KIRREL3: variants seen among roughly 807,000 people sequenced by gnomAD.
KIRREL3 encodes kirre like nephrin family adhesion molecule 3.
A neutral mutation model predicts 89.7 loss-of-function variants in KIRREL3; 36 were observed. The ratio of observed to expected loss-of-function variants is 0.40; its 90% confidence interval spans 0.31 to 0.53. KIRREL3 has a LOEUF of 0.53. Among genes scored for constraint, KIRREL3 ranks in the 20% least tolerant of loss-of-function variants. The pLI, the probability that KIRREL3 is intolerant of heterozygous loss-of-function variation, is 0.49. For missense variants in KIRREL3, 864 were observed against 1,056.6 expected, an observed-to-expected ratio of 0.82 and a Z score of 2.53; for synonymous variants, 445 against 441.4, an observed-to-expected ratio of 1.01 and a Z score of -0.10.
Position 126,901,134 on chromosome 11 carries a change from A to C in KIRREL3, c.55+99321T>G, listed in dbSNP as rs571717450. 4.0e-5 allele frequency among the ~76,000 whole-genome samples: 6 copies of C among 151,588 alleles called. No homozygotes were observed. The South Asian group carries it at 6.3e-4, about 16-fold the overall frequency. On this transcript the variant is annotated intron_variant, in intron 1 of 16. Transcript: ENST00000525144. The stretch of plus-strand genomic sequence containing the variant: ...GAGGGTGAGACAGGAGAATCGCTTG[A>C]ACCTGGGAGGCAGAGGTTGCAGTGA...
Position 126,708,249 on chromosome 11 carries a change from C to T in KIRREL3, c.56-145337G>A, listed in dbSNP as rs376943658. Among the ~76,000 whole-genome samples, 2 of 152,102 alleles carry T rather than the reference C, an allele frequency of 1.3e-5. No homozygotes were observed. Among genetic ancestry groups the T allele is most frequent in the South Asian group, 2.1e-4 (1 of 4,824 alleles). ...TTACAATGTTATATTGCTACCAAAG[C>T]GGGCAAAATGAGGATGTGAAGTCGA... On this transcript the variant is annotated intron_variant, in intron 1 of 16. Transcript: ENST00000525144. The surrounding 1 kb of genome is among the most constrained non-coding windows in gnomAD (Gnocchi z 5.7).
intron 1 of KIRREL3, among the ~76,000 whole-genome samples, chr11:126,916,111 C>G (rs1947027868): frequency 6.6e-6 from 1 of 152,154 alleles, no homozygotes; most frequent in African/African-American, 2.4e-5. Flanking sequence ...TAATAGCGTT[C>G]TAATGATACC....
At chr11:126,743,325 T>C (rs1259582169) in intron 1 of KIRREL3, among the ~76,000 whole-genome samples, 1 of 152,220 alleles carries the variant, frequency 6.6e-6, no homozygotes, top group Non-Finnish European at 1.5e-5. Context: ...AGGTGCTGGC[T>C]GGCTATAATA....
At chr11:126,932,981 C>A (rs891001181) in intron 1 of KIRREL3, among the ~76,000 whole-genome samples, 1 of 152,182 alleles carries the variant, frequency 6.6e-6, no homozygotes, top group Non-Finnish European at 1.5e-5. Context: ...TAGTTAGAAT[C>A]TGCAATTACT....
At position 126,898,164 on chromosome 11, in the gene KIRREL3, A is replaced by T. The variant is rs1463465445; in HGVS notation, c.55+102291T>A. On this transcript the variant is annotated intron_variant, in intron 1 of 16. Transcript: ENST00000525144. The surrounding 1 kb of genome is among the most constrained non-coding windows in gnomAD (Gnocchi z 4.9). ...TGCCACAGTCGCCTATCTCGTGGAC[A>T]GGTGGAAGTAAAGAGTTAGGATCAA... Among the ~76,000 whole-genome samples, 2 of 152,182 alleles carry T rather than the reference A, an allele frequency of 1.3e-5. No individual in the cohort carries two copies. The highest frequency in any genetic ancestry group is 2.9e-5 in the Non-Finnish European group (2 of 68,040).
At position 126,454,301 on chromosome 11, in the gene KIRREL3, G is replaced by A. The variant is rs989085834; in HGVS notation, c.848+2048C>T. ...GGTGGGGGAGGCAGGCCTGGGGGTG[G>A]AGGGGTCAGGTCCCAGGGCGTGCAG... On this transcript the variant is annotated intron_variant, in intron 7 of 16. Coordinates refer to ENST00000525144, the MANE Select transcript of KIRREL3 (RefSeq NM_032531.4). The surrounding 1 kb of genome is among the most constrained non-coding windows in gnomAD (Gnocchi z 5.8). 7.2e-5 allele frequency among the ~76,000 whole-genome samples: 11 copies of A among 152,080 alleles called. No homozygotes were observed. Among genetic ancestry groups the A allele is most frequent in the Non-Finnish European group, 1.6e-4 (11 of 67,980 alleles).
rs1243203371 is a variant in KIRREL3, at chr11:126,724,674, T to G, written c.56-161762A>C. ...GCTGCCTTCCTTCTTGAAACTTCCC[T>G]CTCCCCGTTTGAATTCCAATGAGGC... is the stretch of plus-strand genomic sequence containing the variant. On this transcript the variant is annotated intron_variant, in intron 1 of 16. Transcript: ENST00000525144. The surrounding 1 kb of genome is among the most constrained non-coding windows in gnomAD (Gnocchi z 4.3). Among the ~76,000 whole-genome samples the G allele has an allele frequency of 3.3e-5, 5 of 152,166 alleles. No homozygotes were observed. Among genetic ancestry groups the G allele is most frequent in the Non-Finnish European group, 1.5e-5 (1 of 68,014 alleles).
At chr11:126,963,028 T>C (rs554526495) in intron 1 of KIRREL3, among the ~76,000 whole-genome samples, 1 of 152,286 alleles carries the variant, frequency 6.6e-6, no homozygotes, top group South Asian at 2.1e-4. Context: ...TTATACGCAC[T>C]GGGAAACAAA....
Position 126,776,441 on chromosome 11 carries a change from G to A in KIRREL3, c.56-213529C>T, listed in dbSNP as rs969044084. Among the ~76,000 whole-genome samples the A allele has an allele frequency of 6.6e-6, 1 of 152,172 alleles. No individual in the cohort carries two copies. The highest frequency in any genetic ancestry group is 2.4e-5 in the African/African-American group (1 of 41,448). ...CTGATGCCTCCTTCTCAGGGTGGCT[G>A]TGAGAATCAAATGAAATGATTTGCA... On this transcript the variant is annotated intron_variant, in intron 1 of 16. Coordinates refer to ENST00000525144, the MANE Select transcript of KIRREL3 (RefSeq NM_032531.4). The surrounding 1 kb of genome is among the most constrained non-coding windows in gnomAD (Gnocchi z 4.7).
At chr11:126,861,354 C>T (rs756620050) in intron 1 of KIRREL3, among the ~76,000 whole-genome samples, 4 of 152,024 alleles carry the variant, frequency 2.6e-5, no homozygotes. Context: ...TCAAGACCAC[C>T]CAGTGGGAAC....
At chr11:126,539,849 T>C (rs1475162545) in intron 2 of KIRREL3, among the ~76,000 whole-genome samples, 1 of 152,202 alleles carries the variant, frequency 6.6e-6, no homozygotes. Flanking sequence ...TATTTTCAGG[T>C]GTCCTCTCAC....
chr11:126,704,456 C>T lies in KIRREL3; in HGVS notation c.56-141544G>A, dbSNP rs1454705660. On this transcript the variant is annotated intron_variant, in intron 1 of 16. Coordinates refer to ENST00000525144, the MANE Select transcript of KIRREL3 (RefSeq NM_032531.4). The surrounding 1 kb of genome is among the most constrained non-coding windows in gnomAD (Gnocchi z 4.2). ...AGCCCCAGCTGGCTGTAGGGGCTCA[C>T]AGTCTTGTCACTTAGAAGGTCTGTC... is the stretch of plus-strand genomic sequence containing the variant. Among the ~76,000 whole-genome samples the T allele has an allele frequency of 6.6e-6, 1 of 152,210 alleles. No homozygotes were observed. The highest frequency in any genetic ancestry group is 1.5e-5 in the Non-Finnish European group (1 of 68,042).
In KIRREL3 at chr11:126,555,897, C is replaced by T. The variant is rs758197543; in HGVS notation, c.133+6938G>A. On this transcript the variant is annotated intron_variant, in intron 2 of 16. Transcript: ENST00000525144. The surrounding 1 kb of genome is among the most constrained non-coding windows in gnomAD (Gnocchi z 4.2). ...TTGGGATTACAGGTGTGTGCCACCA[C>T]GCCTGGCTAATTTTTTGTGTTTTTG... Among the ~76,000 whole-genome samples, 8 of 152,086 alleles carry T rather than the reference C, an allele frequency of 5.3e-5. No homozygotes were observed. The highest frequency in any genetic ancestry group is 1.3e-4 in the Admixed American group (2 of 15,274).
intron 1 of KIRREL3, among the ~76,000 whole-genome samples, chr11:126,806,692 G>A (rs1275794632): frequency 2.0e-5 from 3 of 152,150 alleles, no homozygotes; most frequent in Non-Finnish European, 2.9e-5. Context: ...TATACTTTAA[G>A]TTCTGGGATA....
In KIRREL3 at chr11:126,703,644, T is replaced by C. The variant is rs940195109; in HGVS notation, c.56-140732A>G. ...TAAGTTCACACTTTGTCTTCATTCA[T>C]GATACAAAAGAGATGTCTGTTTTCC... On this transcript the variant is annotated intron_variant, in intron 1 of 16. Coordinates refer to ENST00000525144, the MANE Select transcript of KIRREL3 (RefSeq NM_032531.4). This position sits in a 1 kb window ranked among gnomAD's most constrained non-coding sequence, Gnocchi z 4.6. Among the ~76,000 whole-genome samples, 2 of 152,220 alleles carry C rather than the reference T, an allele frequency of 1.3e-5. No homozygotes were observed. Among genetic ancestry groups the C allele is most frequent in the Non-Finnish European group, 2.9e-5 (2 of 68,046 alleles).
chr11:126,591,998 A>C (rs543312555), intron 1 of KIRREL3, among the ~76,000 whole-genome samples: 2 of 152,254 alleles, frequency 1.3e-5, no homozygotes, highest in African/African-American at 4.8e-5. Flanking sequence ...TTCAGGGTGC[A>C]GTGCCACGGC....
At chr11:126,456,797 G>A (rs564800563) in intron 6 of KIRREL3, among the ~76,000 whole-genome samples, 1 of 152,294 alleles carries the variant, frequency 6.6e-6, no homozygotes. Flanking sequence ...AGGGCAGAGA[G>A]GGGCGCGTGG....
intron 1 of KIRREL3, among the ~76,000 whole-genome samples, chr11:126,831,892 T>G (rs1342570021): frequency 6.6e-6 from 1 of 152,236 alleles, no homozygotes; most frequent in Non-Finnish European, 1.5e-5. Context: ...AATGTCTCAT[T>G]ATTTGTAAAA....
At chr11:126,460,855 C>T (rs550687682) in intron 6 of KIRREL3, among the ~76,000 whole-genome samples, 18 of 152,342 alleles carry the variant, frequency 1.2e-4, no homozygotes, top group East Asian at 1.9e-4. Context: ...ACGCTGCTGT[C>T]GCAGGGGGCC....
Sources: gnomAD v4.1 joint callset for allele counts (sites outside exome capture counted in the v4.1 genomes callset) on GRCh38, gnomAD v4.1.1 for gene constraint, Gnocchi (gnomAD v3.1) non-coding constraint, MANE v1.5 for transcripts, NCBI Gene and HGNC (gene_info 2026-07-23, HGNC 2026-07-21) for gene names.